VPS13B: variants seen among roughly 807,000 people sequenced by gnomAD.
VPS13B encodes intermembrane lipid transfer protein VPS13B.
A neutral mutation model predicts 426.4 loss-of-function variants in VPS13B; 285 were observed. That is an observed-to-expected ratio of 0.67 (90% confidence interval 0.61 to 0.74). VPS13B has a LOEUF of 0.74. VPS13B is among the 30% of genes least tolerant of loss of function. The pLI is 0.00. For missense variants in VPS13B, 4,537 were observed against 4,782.6 expected, an observed-to-expected ratio of 0.95 and a Z score of 1.51; for synonymous variants, 1,676 against 1,676.4, an observed-to-expected ratio of 1.00 and a Z score of 0.01.
At chr8:99,463,723 G>A (rs1038677853) in intron 23 of VPS13B, among the ~76,000 whole-genome samples, 10 of 151,814 alleles carry the variant, frequency 6.6e-5, no homozygotes, top group Non-Finnish European at 1.2e-4. Flanking sequence ...ATGGAGTTTC[G>A]CTCTTGTTGC....
chr8:99,792,532 G>A (rs1235582077), intron 43 of VPS13B, among the ~76,000 whole-genome samples: 1 of 152,134 alleles, frequency 6.6e-6, no homozygotes, highest in Non-Finnish European at 1.5e-5. Flanking sequence ...GAGAGGCATA[G>A]AGGCTCCTGC....
chr8:99,494,090 G>A (rs1032261408), intron 25 of VPS13B, among the ~76,000 whole-genome samples: 2 of 151,978 alleles, frequency 1.3e-5, no homozygotes, highest in African/African-American at 4.8e-5. Flanking sequence ...TTTTGTTACT[G>A]TACAATCATG....
At chr8:99,864,814 C>G (rs1457510949) in intron 58 of VPS13B, among the ~76,000 whole-genome samples, 1 of 152,222 alleles carries the variant, frequency 6.6e-6, no homozygotes, top group Non-Finnish European at 1.5e-5. Context: ...AAACCTCCAG[C>G]AAGGACAGGA....
At chr8:99,308,220 T>G (rs1450805090) in intron 19 of VPS13B, among the ~76,000 whole-genome samples, 1 of 152,130 alleles carries the variant, frequency 6.6e-6, no homozygotes, top group East Asian at 1.9e-4. Context: ...AGGGAACATG[T>G]GCACAACGTG....
intron 54 of VPS13B, among the ~76,000 whole-genome samples, chr8:99,844,973 G>C (rs1221208714): frequency 6.6e-6 from 1 of 152,128 alleles, no homozygotes; most frequent in Non-Finnish European, 1.5e-5. Context: ...TTGGTTTTCA[G>C]ACCTCATCTT....
chr8:99,440,593 C>T (rs1304003462), intron 22 of VPS13B, among the ~76,000 whole-genome samples: 3 of 151,974 alleles, frequency 2.0e-5, no homozygotes, highest in Non-Finnish European at 2.9e-5. Context: ...ATTAAAGGAA[C>T]TCTCACAACA....
intron 3 of VPS13B, among the ~76,000 whole-genome samples, chr8:99,052,562 G>T (rs1235099342): frequency 7.2e-6 from 1 of 138,196 alleles, no homozygotes; most frequent in Non-Finnish European, 1.6e-5. Flanking sequence ...AGTTAGGGAG[G>T]GTTCCCTCTT....
intron 43 of VPS13B, among the ~76,000 whole-genome samples, chr8:99,807,418 ATTAT>A (rs902120541): frequency 4.1e-5 from 6 of 146,456 alleles, no homozygotes; most frequent in Non-Finnish European, 9.1e-5. Flanking sequence ...ACCTTGCCTC[ATTAT>A]TTTTTTTTTT....
intron 32 of VPS13B, among the ~76,000 whole-genome samples, chr8:99,577,113 C>T (rs1825815789): frequency 1.3e-5 from 2 of 152,038 alleles, no homozygotes; most frequent in Non-Finnish European, 2.9e-5. Context: ...TTAGGAAATG[C>T]TCAGTAAATA....
chr8:99,717,072 A>G, intron 36 of VPS13B, 99 bp from the exon 37 acceptor site: 2 of 1,219,804 alleles, frequency 1.6e-6, no homozygotes, highest in Non-Finnish European at 2.4e-6. Flanking sequence ...CGACTCTGAC[A>G]AAGGATGAAT....
In VPS13B at chr8:99,832,658, T is replaced by C. The variant is rs199519078; in HGVS notation, c.9614+6T>C. On this transcript the variant is annotated splice_donor_region_variant and intron_variant, in intron 52 of 61. Coordinates refer to ENST00000357162, the MANE Select transcript of VPS13B (RefSeq NM_152564.5). ...GAAAATGGATTCTGTACCAGGTATTTTATGTTTATATAAATGTCTGTTCTT... is the reference window on the plus strand; with the variant it reads ...GAAAATGGATTCTGTACCAGGTATTCTATGTTTATATAAATGTCTGTTCTT... 1 of 1,613,192 alleles carries C rather than the reference T, an allele frequency of 6.2e-7. No individual in the cohort carries two copies. The highest frequency in any genetic ancestry group is 8.5e-7 in the Non-Finnish European group (1 of 1,179,898).
chr8:99,724,450 A>T (rs1360075943), intron 39 of VPS13B, among the ~76,000 whole-genome samples: 1 of 152,144 alleles, frequency 6.6e-6, no homozygotes, highest in African/African-American at 2.4e-5. Context: ...GCCCTAATCA[A>T]CCTAGTGTAT....
At chr8:99,219,646 G>A (rs1278702346) in intron 17 of VPS13B, among the ~76,000 whole-genome samples, 5 of 152,308 alleles carry the variant, frequency 3.3e-5, no homozygotes, top group Non-Finnish European at 4.4e-5. Flanking sequence ...GTGTGTGCAC[G>A]CACACTGGTG....
At chr8:99,507,254 T>G (rs1178430767) in intron 28 of VPS13B, 51 bp downstream of exon 28, 2 of 1,566,574 alleles carry the variant, frequency 1.3e-6, no homozygotes, top group Non-Finnish European at 8.8e-7. Flanking sequence ...TTAAACTGTT[T>G]ATCTTGTTAT....
Position 99,189,481 on chromosome 8 carries a change from G to C in VPS13B, c.2334-3395G>C, listed in dbSNP as rs565162891. On this transcript the variant is annotated intron_variant, in intron 16 of 61. Coordinates refer to ENST00000357162, the MANE Select transcript of VPS13B (RefSeq NM_152564.5). The stretch of plus-strand genomic sequence containing the variant: ...CTAGGATAATGATCATTCAGAATCA[G>C]TATTGTTTGTGACACATTGTGCACG... Among the ~76,000 whole-genome samples the C allele has an allele frequency of 2.0e-5, 3 of 152,214 alleles. No individual in the cohort carries two copies. The South Asian group carries it at 6.2e-4, about 32-fold the overall frequency.
intron 61 of VPS13B, chr8:99,873,215 T>C (rs1211376594): frequency 6.6e-6 from 1 of 152,176 alleles, no homozygotes; most frequent in African/African-American, 2.4e-5. Context: ...GCAGATTTCT[T>C]TTGCTGTTGA....
intron 35 of VPS13B, among the ~76,000 whole-genome samples, chr8:99,661,894 A>G (rs959289020): frequency 2.0e-5 from 3 of 152,178 alleles, no homozygotes; most frequent in African/African-American, 7.2e-5. Flanking sequence ...TACATAAGAT[A>G]GTATACATAG....
chr8:99,166,725 A>C (rs553795395), intron 15 of VPS13B, among the ~76,000 whole-genome samples: 1 of 152,316 alleles, frequency 6.6e-6, no homozygotes, highest in East Asian at 1.9e-4. Context: ...CCTAAAATTC[A>C]TATGGACTCT....
At chr8:99,121,037 A>C (rs1463965427) in intron 7 of VPS13B, 140 bp from the exon 8 acceptor site, 4 of 718,576 alleles carry the variant, frequency 5.6e-6, no homozygotes, top group Non-Finnish European at 9.0e-6. Context: ...TATTGGTTTC[A>C]AATAGTAATA....
Sources: gnomAD v4.1 joint callset for allele counts (sites outside exome capture counted in the v4.1 genomes callset) on GRCh38, gnomAD v4.1.1 for gene constraint, MANE v1.5 for transcripts, NCBI Gene and HGNC (gene_info 2026-07-23, HGNC 2026-07-21) for gene names.